Variants in ARHGEF10 observed in about 807,000 individuals in gnomAD.
ARHGEF10 encodes Rho guanine nucleotide exchange factor (GEF) 10.
ARHGEF10 carries 140 observed loss-of-function variants against 147.4 expected under a neutral mutation model. That is an observed-to-expected ratio of 0.95 (90% confidence interval 0.83 to 1.09). ARHGEF10 has a LOEUF of 1.09. Among genes scored for constraint, ARHGEF10 ranks in the 50% least tolerant of loss-of-function variants. ARHGEF10 has a pLI of 0.00. For synonymous variants in ARHGEF10, 902 were observed against 695.8 expected (o/e 1.30, Z -4.67); for missense variants, 2,222 against 1,752.7 (o/e 1.27, Z -4.78).
At chr8:1,878,819 C>T (rs1807926316) in intron 8 of ARHGEF10, among the ~76,000 whole-genome samples, 1 of 152,140 alleles carries the variant, frequency 6.6e-6, no homozygotes, top group Non-Finnish European at 1.5e-5. Flanking sequence ...CAGCAGCCCT[C>T]CCTGCTGGGC....
intron 2 of ARHGEF10, among the ~76,000 whole-genome samples, chr8:1,855,821 A>G (rs140807126): frequency 1.8e-3 from 268 of 152,262 alleles, no homozygotes; most frequent in African/African-American, 6.1e-3. Context: ...TTGCATTTGG[A>G]AAATATTCCA....
At chr8:1,844,919 GTAA>G (rs1804435606) in intron 2 of ARHGEF10, among the ~76,000 whole-genome samples, 2 of 152,172 alleles carry the variant, frequency 1.3e-5, no homozygotes, top group East Asian at 1.9e-4. Flanking sequence ...GAATAATAAT[GTAA>G]TAATAATTAG....
rs561368783 is a variant in ARHGEF10 at position 1,937,702 on chromosome 8, G to A, written c.3222+3760G>A. Among the ~76,000 whole-genome samples, 24 of 152,350 alleles carry A rather than the reference G, an allele frequency of 1.6e-4. No individual in the cohort carries two copies. Among genetic ancestry groups the A allele is most frequent in the African/African-American group, 5.8e-4 (24 of 41,586 alleles). ...CACAGGACCTGAGCCCACAAGATTC[G>A]AGCCCTGGGTATGTGTCCGCCTTGC... On this transcript the variant is annotated intron_variant, in intron 26 of 28. Transcript: ENST00000349830. This position sits in a 1 kb window ranked among gnomAD's most constrained non-coding sequence, Gnocchi z 4.9.
At chr8:1,949,127 G>A (rs1308189864) in intron 27 of ARHGEF10, among the ~76,000 whole-genome samples, 3 of 152,038 alleles carry the variant, frequency 2.0e-5, no homozygotes, top group African/African-American at 4.8e-5. Flanking sequence ...TTGCCAAGCC[G>A]AAACAACAAA....
chr8:1,906,430 A>C (rs1329755643), intron 17 of ARHGEF10, among the ~76,000 whole-genome samples: 4 of 152,140 alleles, frequency 2.6e-5, no homozygotes. Context: ...ACAGCATGGA[A>C]TTTGCCCAAC....
chr8:1,853,420 C>T (rs1805298799), intron 2 of ARHGEF10, among the ~76,000 whole-genome samples: 1 of 152,252 alleles, frequency 6.6e-6, no homozygotes, highest in Non-Finnish European at 1.5e-5. Flanking sequence ...AGATCCATGT[C>T]GTCTCAAACT....
At chr8:1,846,697 C>G (rs1180802892) in intron 2 of ARHGEF10, among the ~76,000 whole-genome samples, 1 of 152,150 alleles carries the variant, frequency 6.6e-6, no homozygotes, top group African/African-American at 2.4e-5. Context: ...CTGCCTCAGT[C>G]TCCTGAGTAG....
intron 13 of ARHGEF10, among the ~76,000 whole-genome samples, chr8:1,895,481 C>G (rs1334156090): frequency 1.3e-5 from 2 of 152,026 alleles, no homozygotes; most frequent in Admixed American, 1.3e-4. Flanking sequence ...AATATGGAAA[C>G]AAAATTCTTT....
Position 1,957,219 on chromosome 8 carries a change from G to C in ARHGEF10, c.3991G>C (p.Ala1331Pro). 6.2e-7 allele frequency: 1 copy of C among 1,611,994 alleles called. No homozygotes were observed. Among genetic ancestry groups the C allele is most frequent in the African/African-American group, 1.3e-5 (1 of 75,038 alleles). ...CCGGCAGCCCCACCAGGAAGAGCTG[G>C]CGCCGACCGTCATGGTCTGGCAGAT... ...KARQPHQEEL[A>P]PTVMVWQIPL... Residue 1331 changes from alanine to proline, a missense_variant, in exon 29 of 29, where the codon GCG (alanine) becomes CCG (proline). Coordinates refer to ENST00000349830, the MANE Select transcript of ARHGEF10 (RefSeq NM_014629.4).
At chr8:1,905,759 T>C in intron 17 of ARHGEF10, 43 bp downstream of exon 17, 2 of 1,608,422 alleles carry the variant, frequency 1.2e-6, no homozygotes, top group South Asian at 1.1e-5. Flanking sequence ...CATCATCACA[T>C]GTTACCTTTG....
In ARHGEF10 at chr8:1,951,314, T is replaced by C. The variant is rs530243462; in HGVS notation, c.3398-1391T>C. Among the ~76,000 whole-genome samples the C allele has an allele frequency of 4.4e-4, 67 of 152,334 alleles. No homozygotes were observed. The South Asian group carries it at 8.7e-3, about 20-fold the overall frequency. On this transcript the variant is annotated intron_variant, in intron 27 of 28. Transcript: ENST00000349830. ...TTGAAGCTGCTGCCGTGTTTCTCAT[T>C]AGCTTTAGAAAGTAACAGCACCGGC... is the stretch of plus-strand genomic sequence containing the variant.
At chr8:1,835,226 G>A (rs1187532126) in intron 1 of ARHGEF10, among the ~76,000 whole-genome samples, 1 of 152,226 alleles carries the variant, frequency 6.6e-6, no homozygotes, top group Non-Finnish European at 1.5e-5. Flanking sequence ...CAGGATGCTC[G>A]AGGCCCGAGT....
intron 2 of ARHGEF10, 111 bp from the exon 3 acceptor site, chr8:1,857,849 G>T: frequency 9.7e-7 from 1 of 1,032,556 alleles, no homozygotes; most frequent in Non-Finnish European, 1.5e-6. Flanking sequence ...GAGGAACTTA[G>T]TCAGTGTCTC....
intron 4 of ARHGEF10, among the ~76,000 whole-genome samples, chr8:1,862,761 C>CT (rs1194488471): frequency 6.7e-6 from 1 of 149,666 alleles, no homozygotes; most frequent in Non-Finnish European, 1.5e-5. Context: ...GTTTCTTTTC[C>CT]TTTTTTTCTT....
intron 27 of ARHGEF10, among the ~76,000 whole-genome samples, chr8:1,946,721 GA>G (rs756753702): frequency 1.3e-5 from 2 of 152,174 alleles, no homozygotes; most frequent in Non-Finnish European, 2.9e-5. Context: ...ATGATACGTT[GA>G]AAAAAACCAC....
chr8:1,838,076 C>G (rs926190279), intron 1 of ARHGEF10, among the ~76,000 whole-genome samples: 1 of 152,154 alleles, frequency 6.6e-6, no homozygotes, highest in Non-Finnish European at 1.5e-5. Context: ...ATGGTGGATG[C>G]GTCTTTGTCT....
Position 1,957,458 on chromosome 8 carries a change from A to G in ARHGEF10, c.*195A>G. On this transcript the variant is annotated 3_prime_UTR_variant, in exon 29 of 29. Coordinates refer to ENST00000349830, the MANE Select transcript of ARHGEF10 (RefSeq NM_014629.4). The stretch of plus-strand genomic sequence containing the variant: ...CCTTCTCTTCTGTACAGCAGAAGTA[A>G]TTACAAGCACTTCTCACGAAGGCAG... 1.3e-6 allele frequency: 1 copy of G among 782,958 alleles called. No homozygotes were observed. The highest frequency in any genetic ancestry group is 1.8e-5 in the South Asian group (1 of 54,420). The allele number at this position is 782,958 out of a possible 1,614,324, so 48.5% of individuals were successfully genotyped here.
intron 27 of ARHGEF10, among the ~76,000 whole-genome samples, chr8:1,949,137 A>G (rs1003780559): frequency 1.3e-5 from 2 of 152,084 alleles, no homozygotes; most frequent in Admixed American, 1.3e-4. Flanking sequence ...GAAACAACAA[A>G]ATTTGAAAAA....
chr8:1,888,857 G>A (rs1809078115), intron 11 of ARHGEF10, among the ~76,000 whole-genome samples: 2 of 118,666 alleles, frequency 1.7e-5, no homozygotes, highest in Non-Finnish European at 3.3e-5. Flanking sequence ...GGTTTGTGAG[G>A]AGACACTGAG....
Sources: gnomAD v4.1 joint callset for allele counts (sites outside exome capture counted in the v4.1 genomes callset) on GRCh38, gnomAD v4.1.1 for gene constraint, Gnocchi (gnomAD v3.1) non-coding constraint, MANE v1.5 for transcripts, NCBI Gene and HGNC (gene_info 2026-07-23, HGNC 2026-07-21) for gene names.